The following PIR variants were observed in gnomAD, a reference collection of about 807,000 sequenced individuals.
PIR encodes the protein pirin, also known as pirin (iron-binding nuclear protein).
Under a neutral mutation model 24.2 loss-of-function variants are expected in PIR, and 22 were observed. That is an observed-to-expected ratio of 0.91 (90% CI 0.65 to 1.30). The LOEUF (loss-of-function observed/expected upper bound fraction) is 1.30. Among genes scored for constraint, PIR ranks in the 50% most tolerant of loss-of-function variants. The pLI is 0.00. For synonymous variants in PIR, 80 were observed against 79.6 expected (o/e 1.00, Z -0.03); for missense variants, 220 against 220.3 (o/e 1.00, Z 0.01).
chrX:15,489,619 T>C (rs374914652), intron 2 of PIR, among the ~76,000 whole-genome samples: 80 of 111,991 alleles, frequency 7.1e-4, no homozygotes, highest in African/African-American at 2.4e-3. Context: ...ACACTCCCTG[T>C]GCATTTAGCC....
intron 7 of PIR, among the ~76,000 whole-genome samples, chrX:15,406,869 T>C (rs1310261764): frequency 8.9e-6 from 1 of 112,028 alleles, no homozygotes; most frequent in African/African-American, 3.3e-5. Context: ...TGCATTGTCA[T>C]TGGACAAAAG....
At chrX:15,463,668 C>T (rs1278733791) in intron 3 of PIR, among the ~76,000 whole-genome samples, 2 of 112,326 alleles carry the variant, frequency 1.8e-5, no homozygotes, top group African/African-American at 6.5e-5. Context: ...AAACCCCCAT[C>T]TGGGAACTCG....
At chrX:15,432,801 A>G (rs984776320) in intron 5 of PIR, among the ~76,000 whole-genome samples, 1 of 112,231 alleles carries the variant, frequency 8.9e-6, no homozygotes, top group Non-Finnish European at 1.9e-5. Flanking sequence ...ACTCCTGAAG[A>G]GGATGCTGGA....
At chrX:15,427,840 CAT>C (rs1240014523) in intron 5 of PIR, among the ~76,000 whole-genome samples, 2 of 108,061 alleles carry the variant, frequency 1.9e-5, no homozygotes, top group Admixed American at 9.8e-5. Context: ...TGTGTGTGTG[CAT>C]ATGTGTGTGT....
At chrX:15,393,741 C>T (rs1352133066) in intron 8 of PIR, among the ~76,000 whole-genome samples, 6 of 107,234 alleles carry the variant, frequency 5.6e-5, no homozygotes, top group Non-Finnish European at 7.7e-5. Flanking sequence ...CCATCAACCC[C>T]GGATGGGACC....
chrX:15,415,875 A>G (rs1409937763), intron 6 of PIR, among the ~76,000 whole-genome samples: 1 of 111,496 alleles, frequency 9.0e-6, no homozygotes. Flanking sequence ...TGAGTTAGGG[A>G]AAGATGATTA....
At chrX:15,411,322 A>G (rs1240118677) in intron 6 of PIR, among the ~76,000 whole-genome samples, 1 of 111,554 alleles carries the variant, frequency 9.0e-6, no homozygotes, top group African/African-American at 3.3e-5. Flanking sequence ...CTTTTAAAAA[A>G]TATGTAAATC....
chrX:15,421,601 G>C (rs1214066720), intron 6 of PIR, among the ~76,000 whole-genome samples: 13 of 106,173 alleles, frequency 1.2e-4, no homozygotes, highest in African/African-American at 4.1e-4. Flanking sequence ...TGAAGAAATA[G>C]AAAACTTCAA....
intron 3 of PIR, among the ~76,000 whole-genome samples, chrX:15,465,642 C>A (rs1921534723): frequency 8.9e-6 from 1 of 112,212 alleles, no homozygotes; most frequent in Admixed American, 9.5e-5. Context: ...TTTCCTCCTT[C>A]TAATTCTTTC....
At chrX:15,387,834 C>A (rs1042998180) in intron 9 of PIR, among the ~76,000 whole-genome samples, 1 of 111,665 alleles carries the variant, frequency 9.0e-6, no homozygotes, top group Non-Finnish European at 1.9e-5. Context: ...ATAACGTGCA[C>A]ATGAATCAGC....
intron 6 of PIR, among the ~76,000 whole-genome samples, chrX:15,419,383 G>C (rs1241555469): frequency 9.5e-6 from 1 of 104,888 alleles, no homozygotes; most frequent in Non-Finnish European, 1.9e-5. Context: ...GTGTGTGTGT[G>C]TGTGTAAGAC....
At chrX:15,480,924 A>C (rs6629103) in intron 2 of PIR, among the ~76,000 whole-genome samples, 27,966 of 111,492 alleles carry the variant, frequency 0.25, 2,748 homozygotes, top group East Asian at 0.52. Context: ...ACAGGAAACA[A>C]AGAATATCTA....
At chrX:15,469,920 CAGTA>C (rs1921796596) in intron 3 of PIR, among the ~76,000 whole-genome samples, 1 of 111,779 alleles carries the variant, frequency 8.9e-6, no homozygotes, top group South Asian at 3.7e-4. Flanking sequence ...ATAGGTCCCA[CAGTA>C]AGTGAGTGGC....
At chrX:15,452,558 G>T (rs945342061) in intron 5 of PIR, among the ~76,000 whole-genome samples, 1 of 112,073 alleles carries the variant, frequency 8.9e-6, no homozygotes, top group Non-Finnish European at 1.9e-5. Flanking sequence ...TTTTGTGGAT[G>T]TCGGGACTGA....
chrX:15,395,367 A>G (rs1350997972), intron 8 of PIR, among the ~76,000 whole-genome samples: 4 of 112,160 alleles, frequency 3.6e-5, no homozygotes, highest in Admixed American at 9.5e-5. Flanking sequence ...GTAAAGGGCC[A>G]GAGAGTTTTA....
At chrX:15,385,893 G>A (rs1413876228) in intron 9 of PIR, among the ~76,000 whole-genome samples, 1 of 111,955 alleles carries the variant, frequency 8.9e-6, no homozygotes, top group Non-Finnish European at 1.9e-5. Context: ...TCTAATTGCT[G>A]GGTCTGAACT....
At chrX:15,441,341 T>C (rs1216965351) in intron 5 of PIR, among the ~76,000 whole-genome samples, 1 of 111,897 alleles carries the variant, frequency 8.9e-6, no homozygotes, top group African/African-American at 3.2e-5. Context: ...AAATTTGTGA[T>C]ATTTTAATAT....
intron 5 of PIR, among the ~76,000 whole-genome samples, chrX:15,430,370 T>G (rs1925468776): frequency 8.9e-6 from 1 of 112,158 alleles, no homozygotes; most frequent in Admixed American, 9.4e-5. Flanking sequence ...TAGCCTATAT[T>G]TCAAAAGCCT....
chrX:15,485,086 A>G (rs192253016), intron 2 of PIR, among the ~76,000 whole-genome samples: 6 of 112,564 alleles, frequency 5.3e-5, no homozygotes, highest in African/African-American at 1.9e-4. Context: ...ATCAAAACAG[A>G]AACCAGGACC....
Sources: allele counts gnomAD v4.1 joint callset (sites outside exome capture counted in the v4.1 genomes callset), GRCh38; gene constraint gnomAD v4.1.1; transcripts MANE v1.5; gene names NCBI Gene and HGNC (gene_info 2026-07-23, HGNC 2026-07-21).